Variants in PDE6B observed in about 807,000 individuals in gnomAD.
The protein encoded by PDE6B is rod cGMP-specific 3',5'-cyclic phosphodiesterase subunit beta.
A neutral mutation model predicts 109.0 loss-of-function variants in PDE6B; 106 were observed. The ratio of observed to expected loss-of-function variants is 0.97; its 90% confidence interval spans 0.83 to 1.14. The LOEUF (loss-of-function observed/expected upper bound fraction) is 1.14, where lower values mean the gene tolerates loss of function less well. PDE6B is among the 50% of genes most tolerant of loss of function. The probability of loss-of-function intolerance (pLI) is 0.00; values close to 1 mark genes in which losing one functional copy is unlikely to be tolerated. For synonymous variants in PDE6B, 490 were observed against 471.3 expected (o/e 1.04, Z -0.51); for missense variants, 1,193 against 1,155.6 (o/e 1.03, Z -0.47).
rs371920663 is a variant in PDE6B at position 634,766 on chromosome 4, C to A, written c.558C>A (p.Val186=). The A allele has an allele frequency of 1.9e-6, 3 of 1,613,444 alleles. No homozygotes were observed. The highest frequency in any genetic ancestry group is 2.5e-6 in the Non-Finnish European group (3 of 1,179,520). The stretch of plus-strand genomic sequence containing the variant: ...CACCCATCATGAATGGCAAAGACGT[C>A]GTGGCGGTGATCATGGCAGTGAACA... ...LATPIMNGKD[V]VAVIMAVNKL... The change falls in exon 2 of 22, where the codon GTC becomes GTA. Residue 186 remains valine, a synonymous_variant. Coordinates refer to ENST00000496514, the MANE Select transcript of PDE6B (RefSeq NM_000283.4).
At chr4:656,575 G>A (rs933891800) in intron 8 of PDE6B, among the ~76,000 whole-genome samples, 41 of 151,708 alleles carry the variant, frequency 2.7e-4, no homozygotes, top group Non-Finnish European at 4.9e-4. Flanking sequence ...GGCCGTGACC[G>A]CGGCCCCCAC....
At position 658,932 on chromosome 4, in the gene PDE6B, A is replaced by G. The variant is rs747157289; in HGVS notation, c.1402-20A>G. On this transcript the variant is annotated intron_variant, in intron 10 of 21. Transcript: ENST00000496514. ...CACATGCGAAGCTCTTTCTCGTGAC[A>G]CATCTGTGTCTCTGTGTAGCCAACC... 5.0e-6 allele frequency: 8 copies of G among 1,595,432 alleles called. No homozygotes were observed. Among genetic ancestry groups the G allele is most frequent in the Non-Finnish European group, 6.0e-6 (7 of 1,163,468 alleles).
Position 659,007 on chromosome 4 carries a change from G to A in PDE6B, c.1457G>A (p.Gly486Asp). ...GCTGACTGCGATGAGGACGAGCTGG[G>A]CGAAATCCTGGTAAGAACCTTGCTC... ...EPADCDEDEL[G>D]EILKEELPGP... Residue 486 changes from glycine (G) to aspartate (D), a missense_variant, in exon 11 of 22, where the codon GGC becomes GAC. Transcript: ENST00000496514. 1 of 1,613,236 alleles carries A rather than the reference G, an allele frequency of 6.2e-7. No homozygotes were observed. Among genetic ancestry groups the A allele is most frequent in the Non-Finnish European group, 8.5e-7 (1 of 1,179,508 alleles).
rs1316353996 is a variant in PDE6B at position 633,302 on chromosome 4, C to G, written c.469-1375C>G. 6.6e-6 allele frequency among the ~76,000 whole-genome samples: 1 copy of G among 152,216 alleles called. No individual in the cohort carries two copies. The highest frequency in any genetic ancestry group is 1.5e-5 in the Non-Finnish European group (1 of 68,040). ...ACGCTGCCACCCCTGCCAGGGCTCA[C>G]TCACCCGTCTTCCTGCTCCACCATC... On this transcript the variant is annotated intron_variant, in intron 1 of 21. Transcript: ENST00000496514. The surrounding 1 kb of genome is among the most constrained non-coding windows in gnomAD (Gnocchi z 4.5).
intron 3 of PDE6B, among the ~76,000 whole-genome samples, chr4:641,740 G>A (rs561564813): frequency 1.2e-4 from 19 of 152,242 alleles, no homozygotes; most frequent in South Asian, 4.1e-4. Context: ...TCCACCTCCC[G>A]GGTTCAAGCG....
chr4:662,703 T>C lies in PDE6B; in HGVS notation c.1832+85T>C, dbSNP rs891837617. On this transcript the variant is annotated intron_variant, in intron 14 of 21. Transcript: ENST00000496514. The surrounding 1 kb of genome is among the most constrained non-coding windows in gnomAD (Gnocchi z 4.3). ...GAATTAGGCTTCGCATAGCAGGCTA[T>C]GTAGAAAGTGGAGTCCACGGCCAGG... 16 of 901,262 alleles carry C rather than the reference T, an allele frequency of 1.8e-5. No individual in the cohort carries two copies. Among genetic ancestry groups the C allele is most frequent in the African/African-American group, 8.2e-5 (5 of 60,948 alleles). 55.8% of individuals were successfully genotyped at this position (901,262 alleles called of 1,614,324 possible).
chr4:654,835 CT>C lies in PDE6B; in HGVS notation c.940del (p.Tyr314ThrfsTer3). The stretch of plus-strand genomic sequence containing the variant: ...CTTCTGCTTCTCAGGAAATTGTCTT[CT>C]ACAAAGTGATCGACTACGTCCTCCA... ...RTPDGREIVF[Y>X]KVIDYVLHGK... On this transcript the variant is annotated frameshift_variant, in exon 6 of 22. Transcript: ENST00000496514. LOFTEE classifies it high-confidence loss of function. 1 of 1,563,822 alleles carries C rather than the reference CT, an allele frequency of 6.4e-7. No homozygotes were observed. The highest frequency in any genetic ancestry group is 8.8e-7 in the Non-Finnish European group (1 of 1,134,074).
In PDE6B at chr4:633,163, C is replaced by T. The variant is rs112722228; in HGVS notation, c.469-1514C>T. Among the ~76,000 whole-genome samples, 6 of 152,106 alleles carry T rather than the reference C, an allele frequency of 3.9e-5. No individual in the cohort carries two copies. The highest frequency in any genetic ancestry group is 5.9e-5 in the Non-Finnish European group (4 of 67,964). On this transcript the variant is annotated intron_variant, in intron 1 of 21. Coordinates refer to ENST00000496514, the MANE Select transcript of PDE6B (RefSeq NM_000283.4). This position sits in a 1 kb window ranked among gnomAD's most constrained non-coding sequence, Gnocchi z 4.5. Reference sequence around the variant, plus strand: ...GGACACAGGTGCAGAGATGAGCCCTCGGGGGACGCAGGTGCAGAGATGAGC... The same window carrying T: ...GGACACAGGTGCAGAGATGAGCCCTTGGGGGACGCAGGTGCAGAGATGAGC...
Position 626,000 on chromosome 4 carries a change from C to G in PDE6B, c.374C>G (p.Pro125Arg). Residue 125 changes from proline (P) to arginine (R), a missense_variant, in exon 1 of 22, where the codon CCC (proline) becomes CGC (arginine). Physicochemically the swap from Pro to Arg is moderately radical, Grantham distance 103 (BLOSUM62 -2). Transcript: ENST00000496514. This position sits in a 1 kb window ranked among gnomAD's most constrained non-coding sequence, Gnocchi z 5.0. ...PDSVLEDCLVPPDSEIVFPLD... is the reference protein window; with the variant it reads ...PDSVLEDCLVRPDSEIVFPLD... ...AGCGTCCTGGAGGACTGCCTGGTGC[C>G]CCCCGACTCCGAGATCGTCTTCCCA... 5.7e-6 allele frequency: 9 copies of G among 1,583,050 alleles called. No individual in the cohort carries two copies. The highest frequency in any genetic ancestry group is 6.9e-6 in the Non-Finnish European group (8 of 1,164,992).
At chr4:634,598 C>G (rs1734550062) in intron 1 of PDE6B, 79 bp from the exon 2 acceptor site, 13 of 1,197,556 alleles carry the variant, frequency 1.1e-5, no homozygotes, top group Middle Eastern at 2.2e-4. Flanking sequence ...CCCCACAGAG[C>G]TTGACGACAA....
At chr4:651,262 G>C (rs1398770817) in intron 3 of PDE6B, among the ~76,000 whole-genome samples, 4 of 146,460 alleles carry the variant, frequency 2.7e-5, no homozygotes, top group South Asian at 2.2e-4. Flanking sequence ...GGCTGAGGCG[G>C]CGATGTCAAC....
rs764993920 is a variant in PDE6B, at chr4:657,398, C to A, written c.1305C>A (p.Tyr435Ter). 3 of 1,613,000 alleles carry A rather than the reference C, an allele frequency of 1.9e-6. No individual in the cohort carries two copies. Among genetic ancestry groups the A allele is most frequent in the Admixed American group, 1.7e-5 (1 of 60,002 alleles). ...GGTCAGTGATGAACACCGACACCTA[C>A]GACAAGATGAACAAGCTGGAGAACC... ...LGWSVMNTDT[Y>*]DKMNKLENRK... The change falls in exon 10 of 22, where the codon TAC (tyrosine) becomes TAA (stop). Residue 435 changes from tyrosine to a stop codon, truncating the protein, a stop_gained. Transcript: ENST00000496514. LOFTEE classifies it high-confidence loss of function.
Position 663,833 on chromosome 4 carries a change from A to T in PDE6B, c.1984A>T (p.Ile662Phe). 6.2e-7 allele frequency: 1 copy of T among 1,612,356 alleles called. No homozygotes were observed. Among genetic ancestry groups the T allele is most frequent in the Non-Finnish European group, 8.5e-7 (1 of 1,179,428 alleles). The change falls in exon 16 of 22, where the codon ATC becomes TTC. Residue 662 changes from isoleucine (I) to phenylalanine (F), a missense_variant. By Grantham distance (21) the Ile-to-Phe change is conservative (BLOSUM62 0). Transcript: ENST00000496514. The surrounding 1 kb of genome is among the most constrained non-coding windows in gnomAD (Gnocchi z 4.0). ...QHEHVIHLMDIAIIATDLALY... is the reference protein window; with the variant it reads ...QHEHVIHLMDFAIIATDLALY... ...CGAGCACGTGATCCACCTGATGGAC[A>T]TCGCCATCATCGCCACGGACCTGGC...
intron 3 of PDE6B, chr4:651,820 T>C (rs1735584831): frequency 6.6e-6 from 1 of 152,550 alleles, no homozygotes; most frequent in African/African-American, 2.4e-5. Flanking sequence ...TCCCAAGTCC[T>C]GTTCTGGACC....
chr4:654,763 G>A (rs1242138638), intron 5 of PDE6B, 61 bp from the exon 6 acceptor site: 2 of 862,818 alleles, frequency 2.3e-6, no homozygotes, highest in Non-Finnish European at 4.1e-6. Flanking sequence ...CTGTGTGTGT[G>A]TGTGTGAGCC....
At chr4:660,828 GTGGATGGCTGGATTGA>G (rs929755634) in intron 12 of PDE6B, among the ~76,000 whole-genome samples, 15 of 150,784 alleles carry the variant, frequency 9.9e-5, no homozygotes, top group Non-Finnish European at 1.6e-4. Context: ...GGATGGCTGG[GTGGATGGCTGGATTGA>G]TGGATGGCTG....
Position 666,838 on chromosome 4 carries a change from C to T in PDE6B, c.2352+224C>T, listed in dbSNP as rs1737858128. 1.3e-5 allele frequency among the ~76,000 whole-genome samples: 2 copies of T among 152,282 alleles called. No homozygotes were observed. Among genetic ancestry groups the T allele is most frequent in the Non-Finnish European group, 2.9e-5 (2 of 68,008 alleles). On this transcript the variant is annotated intron_variant, in intron 20 of 21. Transcript: ENST00000496514. This position sits in a 1 kb window ranked among gnomAD's most constrained non-coding sequence, Gnocchi z 5.6. ...CCAGCCCATCCTCACCCTGCTGTGC[C>T]CCTGGAAGCTCTGAGCCCTTTCCCA...
chr4:654,097 G>A lies in PDE6B; in HGVS notation c.870G>A (p.Trp290Ter). ...MTKEKEFFDV[W>*]SVLMGESQPY... ...CTGCCCAGGAATTTTTTGACGTGTG[G>A]TCTGTGCTGATGGGAGAGTCCCAGC... Residue 290 changes from tryptophan to a stop codon, truncating the protein, a stop_gained, in exon 5 of 22, where the codon TGG becomes TGA. Transcript: ENST00000496514. LOFTEE classifies it high-confidence loss of function. 1 of 1,613,892 alleles carries A rather than the reference G, an allele frequency of 6.2e-7. No individual in the cohort carries two copies. The highest frequency in any genetic ancestry group is 8.5e-7 in the Non-Finnish European group (1 of 1,180,038).
intron 20 of PDE6B, among the ~76,000 whole-genome samples, chr4:667,086 CTGCCACAGTCCGA>C (rs1737884696): frequency 1.3e-5 from 2 of 152,236 alleles, no homozygotes; most frequent in Admixed American, 6.5e-5. Flanking sequence ...CCCTGCCAAT[CTGCCACAGTCCGA>C]TGCCAGCTGA....
Sources: allele counts gnomAD v4.1 joint callset (sites outside exome capture counted in the v4.1 genomes callset), GRCh38; gene constraint gnomAD v4.1.1; non-coding constraint Gnocchi (gnomAD v3.1); transcripts MANE v1.5; gene names NCBI Gene and HGNC (gene_info 2026-07-23, HGNC 2026-07-21).